The following FAM204A variants were observed in gnomAD, a reference collection of about 807,000 sequenced individuals.
FAM204A encodes family with sequence similarity 204 member A, also known as protein FAM204A.
A neutral mutation model predicts 35.4 loss-of-function variants in FAM204A; 16 were observed. That is an observed-to-expected ratio of 0.45 (90% CI 0.31 to 0.69). FAM204A has a LOEUF of 0.69. Ranked by LOEUF, FAM204A falls within the 30% of genes least tolerant of loss-of-function variation. FAM204A has a pLI of 0.07. For missense variants in FAM204A, 240 were observed against 265.7 expected (o/e 0.90, Z 0.67); for synonymous variants, 76 against 86.9 (o/e 0.88, Z 0.70).
intron 7 of FAM204A, among the ~76,000 whole-genome samples, chr10:118,315,122 AT>A (rs1846011070): frequency 6.6e-6 from 1 of 152,142 alleles, no homozygotes. Flanking sequence ...AAGCGTCTGC[AT>A]AACCTCAAGC....
Position 118,299,408 on chromosome 10 carries a change from TTTTTTG to T in FAM204A, c.*11443_*11448del, listed in dbSNP as rs1845784094. ...TCCAGAAGGTTTTTTTTTTTTTTTT[TTTTTTG>T]AGACAGGGTCAGGCTGGACTGCAGT... On this transcript the variant is annotated 3_prime_UTR_variant, in exon 9 of 9. Transcript: ENST00000369183. 1 of 148,118 alleles carries T rather than the reference TTTTTTG, an allele frequency of 6.8e-6. No homozygotes were observed. Among genetic ancestry groups the T allele is most frequent in the African/African-American group, 2.5e-5 (1 of 39,348 alleles). The allele number at this position is 148,118 out of a possible 1,614,324, so 9.2% of individuals were successfully genotyped here.
chr10:118,331,843 T>TTATATA (rs55733401), intron 6 of FAM204A, among the ~76,000 whole-genome samples: 8,876 of 142,294 alleles, frequency 0.062, 272 homozygotes, highest in African/African-American at 0.075. Flanking sequence ...TTTGTTACCT[T>TTATATA]TATATATATA....
chr10:118,320,904 GTT>G (rs34541006), intron 7 of FAM204A, among the ~76,000 whole-genome samples: 1 of 133,896 alleles, frequency 7.5e-6, no homozygotes. Flanking sequence ...TGTGTGTGTG[GTT>G]TTTTTTTTTT....
chr10:118,334,511 T>C (rs556966502), intron 6 of FAM204A, among the ~76,000 whole-genome samples: 1 of 152,336 alleles, frequency 6.6e-6, no homozygotes, highest in South Asian at 2.1e-4. Flanking sequence ...CTATTTTTGC[T>C]GCCTCACAAT....
chr10:118,303,105 G>A lies in FAM204A; in HGVS notation c.*7752C>T, dbSNP rs1167348438. The A allele has an allele frequency of 6.6e-6, 1 of 152,212 alleles. No homozygotes were observed. The highest frequency in any genetic ancestry group is 6.5e-5 in the Admixed American group (1 of 15,284). The allele number at this position is 152,212 out of a possible 1,614,324, so 9.4% of individuals were successfully genotyped here. A position where few individuals can be genotyped will look rare whatever the true frequency, so the allele number is the denominator to read the frequency against. On this transcript the variant is annotated 3_prime_UTR_variant, in exon 9 of 9. Transcript: ENST00000369183. ...TAACGTCAGCCCTTTTATGCTAGATGAATGGCTGTAGAGTTCTCTTAAACT... is the reference window on the plus strand; with the variant it reads ...TAACGTCAGCCCTTTTATGCTAGATAAATGGCTGTAGAGTTCTCTTAAACT...
chr10:118,339,361 C>T (rs529184032), intron 2 of FAM204A, among the ~76,000 whole-genome samples: 10 of 152,342 alleles, frequency 6.6e-5, no homozygotes, highest in African/African-American at 2.4e-4. Flanking sequence ...TTGTCATTCA[C>T]AAAGTTTCCA....
chr10:118,310,299 C>T lies in FAM204A; in HGVS notation c.*558G>A, dbSNP rs1845928606. On this transcript the variant is annotated 3_prime_UTR_variant, in exon 9 of 9. Transcript: ENST00000369183. The stretch of plus-strand genomic sequence containing the variant: ...GACCAGCCTGACCAACACAGCAAAA[C>T]TCTGTCTCTACTAAAAATACAAAAA... The T allele has an allele frequency of 6.6e-6, 1 of 150,934 alleles. No homozygotes were observed. The highest frequency in any genetic ancestry group is 6.6e-5 in the Admixed American group (1 of 15,094). The allele number at this position is 150,934 out of a possible 1,614,324, so 9.3% of individuals were successfully genotyped here.
chr10:118,328,858 T>C (rs1846240956), intron 6 of FAM204A, among the ~76,000 whole-genome samples: 1 of 152,190 alleles, frequency 6.6e-6, no homozygotes, highest in Admixed American at 6.5e-5. Context: ...TTCCTCAAGT[T>C]TCTGACTAGC....
chr10:118,326,117 T>G, intron 7 of FAM204A, 37 bp downstream of exon 7: 1 of 1,509,392 alleles, frequency 6.6e-7, no homozygotes, highest in Non-Finnish European at 9.1e-7. Flanking sequence ...TCTAGAAAAT[T>G]TGAAAATACA....
chr10:118,302,656 GTTCT>G lies in FAM204A; in HGVS notation c.*8197_*8200del, dbSNP rs1845820426. 6.6e-6 allele frequency: 1 copy of G among 152,220 alleles called. No individual in the cohort carries two copies. The highest frequency in any genetic ancestry group is 1.5e-5 in the Non-Finnish European group (1 of 68,046). The allele number at this position is 152,220 out of a possible 1,614,324, so 9.4% of individuals were successfully genotyped here. A position where few individuals can be genotyped will look rare whatever the true frequency, so the allele number is the denominator to read the frequency against. On this transcript the variant is annotated 3_prime_UTR_variant, in exon 9 of 9. Transcript: ENST00000369183. The stretch of plus-strand genomic sequence containing the variant: ...AGTACCAAGCGAGGATTCCAATTGA[GTTCT>G]TTGACACGGAACCTTTCTTTTCCTT...
chr10:118,309,394 C>T lies in FAM204A; in HGVS notation c.*1463G>A, dbSNP rs1248434347. ...GTTACTATTTTAAGTCTAAAAATAA[C>T]AGTAATATAATCATGATTCATTTTA... On this transcript the variant is annotated 3_prime_UTR_variant, in exon 9 of 9. Coordinates refer to ENST00000369183, the MANE Select transcript of FAM204A (RefSeq NM_022063.3). 1.3e-5 allele frequency: 2 copies of T among 152,004 alleles called. No homozygotes were observed. The highest frequency in any genetic ancestry group is 1.3e-4 in the Admixed American group (2 of 15,264). The allele number at this position is 152,004 out of a possible 1,614,324, so 9.4% of individuals were successfully genotyped here. A position where few individuals can be genotyped will look rare whatever the true frequency, so the allele number is the denominator to read the frequency against.
chr10:118,312,069 T>C (rs1007132130), intron 7 of FAM204A, among the ~76,000 whole-genome samples: 22 of 152,162 alleles, frequency 1.4e-4, no homozygotes, highest in Non-Finnish European at 5.9e-5. Flanking sequence ...AGTTTTACAC[T>C]CTGCCCTGCA....
At chr10:118,328,210 A>G (rs1846229360) in intron 6 of FAM204A, among the ~76,000 whole-genome samples, 1 of 152,130 alleles carries the variant, frequency 6.6e-6, no homozygotes, top group African/African-American at 2.4e-5. Context: ...CACTCACCCC[A>G]AGTCTTTCTA....
At chr10:118,327,000 T>C (rs1564760470) in intron 6 of FAM204A, among the ~76,000 whole-genome samples, 1 of 152,222 alleles carries the variant, frequency 6.6e-6, no homozygotes, top group Admixed American at 6.5e-5. Context: ...GCGTTACACA[T>C]TTATAAAAAG....
At chr10:118,335,745 A>G in intron 3 of FAM204A, 104 bp from the exon 4 acceptor site, 1 of 871,692 alleles carries the variant, frequency 1.1e-6, no homozygotes, top group Non-Finnish European at 1.7e-6. Flanking sequence ...GCGTGTATAA[A>G]GATACCAATT....
intron 7 of FAM204A, 41 bp from the exon 8 acceptor site, chr10:118,311,354 T>G: frequency 6.9e-7 from 1 of 1,451,472 alleles, no homozygotes; most frequent in Non-Finnish European, 9.5e-7. Context: ...AAAATAAATA[T>G]TCCAGCTAAT....
chr10:118,332,125 T>G (rs1346675762), intron 6 of FAM204A, among the ~76,000 whole-genome samples: 2 of 132,132 alleles, frequency 1.5e-5, no homozygotes, highest in Non-Finnish European at 3.1e-5. Flanking sequence ...TGAGCTGAGA[T>G]TGCACCACTG....
chr10:118,337,216 A>G (rs1316698455), intron 2 of FAM204A: 2 of 983,542 alleles, frequency 2.0e-6, no homozygotes. Flanking sequence ...TATAATACTC[A>G]AGTACATACT....
intron 2 of FAM204A, chr10:118,337,250 T>C: frequency 1.0e-6 from 1 of 984,990 alleles, no homozygotes; most frequent in African/African-American, 1.7e-5. Flanking sequence ...CATGGCACAG[T>C]CTATTTTAGC....
Sources: allele counts gnomAD v4.1 joint callset (sites outside exome capture counted in the v4.1 genomes callset), GRCh38; gene constraint gnomAD v4.1.1; transcripts MANE v1.5; gene names NCBI Gene and HGNC (gene_info 2026-07-23, HGNC 2026-07-21).